The following FBXO42 variants were observed in gnomAD, a reference collection of about 807,000 sequenced individuals.
FBXO42 encodes the protein F-box protein 42.
A neutral mutation model predicts 71.7 loss-of-function variants in FBXO42; 12 were observed. The observed-to-expected ratio is 0.17, with a 90% CI of 0.11 to 0.27. The LOEUF is 0.27. Ranked by LOEUF, FBXO42 falls within the 10% of genes least tolerant of loss-of-function variation. The pLI, the probability that FBXO42 is intolerant of heterozygous loss-of-function variation, is 1.00. For missense variants in FBXO42, 707 were observed against 911.9 expected, an observed-to-expected ratio of 0.78 and a Z score of 2.89; for synonymous variants, 325 against 327.5, an observed-to-expected ratio of 0.99 and a Z score of 0.08.
At chr1:16,280,405 G>C (rs1479432427) in intron 4 of FBXO42, among the ~76,000 whole-genome samples, 2 of 152,124 alleles carry the variant, frequency 1.3e-5, no homozygotes, top group African/African-American at 4.8e-5. Context: ...TCTTAGAACA[G>C]AAAAAGGATG....
chr1:16,248,204 C>G lies in FBXO42; in HGVS notation c.*2466G>C, dbSNP rs1202569929. 6.6e-6 allele frequency: 1 copy of G among 152,180 alleles called. No homozygotes were observed. The highest frequency in any genetic ancestry group is 1.5e-5 in the Non-Finnish European group (1 of 68,044). The allele number at this position is 152,180 out of a possible 1,614,324, so 9.4% of individuals were successfully genotyped here. On this transcript the variant is annotated 3_prime_UTR_variant, in exon 10 of 10. Transcript: ENST00000375592. The stretch of plus-strand genomic sequence containing the variant: ...TGAAGTCCCACCGCACAGGTGGCTT[C>G]AGGAGGCCTGAGGAGACAATCACCT...
chr1:16,305,613 T>G (rs2082241861), intron 3 of FBXO42, among the ~76,000 whole-genome samples, 190 bp downstream of exon 3: 1 of 152,012 alleles, frequency 6.6e-6, no homozygotes, highest in Admixed American at 6.6e-5. Flanking sequence ...CTCAGGAGGC[T>G]GAGGTGGGAG....
intron 1 of FBXO42, among the ~76,000 whole-genome samples, chr1:16,322,243 A>T (rs1019876781): frequency 5.3e-5 from 8 of 151,960 alleles, no homozygotes; most frequent in Non-Finnish European, 1.2e-4. Context: ...CCAGAGAGGA[A>T]ACTATTTATT....
Position 16,252,430 on chromosome 1 carries a change from G to T in FBXO42, c.922-26C>A. 1 of 1,573,530 alleles carries T rather than the reference G, an allele frequency of 6.4e-7. No homozygotes were observed. Among genetic ancestry groups the T allele is most frequent in the South Asian group, 1.1e-5 (1 of 90,242 alleles). The stretch of plus-strand genomic sequence containing the variant: ...CTGTAAGAGAAAAAACCAATAACAA[G>T]ACTCAGGTGTGATATGCGTTCCAAA... On this transcript the variant is annotated intron_variant, in intron 8 of 9. Transcript: ENST00000375592. The surrounding 1 kb of genome is among the most constrained non-coding windows in gnomAD (Gnocchi z 4.4).
rs534389391 is a variant in FBXO42, at chr1:16,250,215, T to C, written c.*455A>G. Reference sequence around the variant, plus strand: ...TTTTACCCCGACAGCACCTGAAGCATGAGAGTCTAAAACCCTCCACCTTTG... The same window carrying C: ...TTTTACCCCGACAGCACCTGAAGCACGAGAGTCTAAAACCCTCCACCTTTG... On this transcript the variant is annotated 3_prime_UTR_variant, in exon 10 of 10. Coordinates refer to ENST00000375592, the MANE Select transcript of FBXO42 (RefSeq NM_018994.3). This position sits in a 1 kb window ranked among gnomAD's most constrained non-coding sequence, Gnocchi z 4.7. 8 of 152,480 alleles carry C rather than the reference T, an allele frequency of 5.2e-5. No homozygotes were observed. The highest frequency in any genetic ancestry group is 1.9e-4 in the African/African-American group (8 of 41,584). 9.4% of individuals were successfully genotyped at this position (152,480 alleles called of 1,614,324 possible). A position where few individuals can be genotyped will look rare whatever the true frequency, so the allele number is the denominator to read the frequency against.
chr1:16,278,315 C>T (rs1170006379), intron 4 of FBXO42, among the ~76,000 whole-genome samples: 1 of 151,724 alleles, frequency 6.6e-6, no homozygotes, highest in Non-Finnish European at 1.5e-5. Flanking sequence ...GGAGATCACG[C>T]CATTGCACTC....
chr1:16,301,702 C>T (rs1464233055), intron 3 of FBXO42, among the ~76,000 whole-genome samples: 1 of 142,548 alleles, frequency 7.0e-6, no homozygotes, highest in Non-Finnish European at 1.6e-5. Flanking sequence ...AAAAAAGAAA[C>T]GGTACAAGAA....
chr1:16,326,040 GTGTGTGTGTC>G (rs1553154828), intron 1 of FBXO42, among the ~76,000 whole-genome samples: 220 of 150,382 alleles, frequency 1.5e-3, no homozygotes, highest in African/African-American at 5.0e-3. Context: ...GTGTGTGTGT[GTGTGTGTGTC>G]TGTGTGTGTC....
intron 1 of FBXO42, among the ~76,000 whole-genome samples, chr1:16,346,398 AAAT>A (rs1439225053): frequency 6.6e-6 from 1 of 152,130 alleles, no homozygotes. Flanking sequence ...TATTACTAGA[AAAT>A]AAGAGAGCGA....
In FBXO42 at chr1:16,351,061, C is replaced by A. The variant is rs140541702; in HGVS notation, c.-18+1194G>T. 3.6e-4 allele frequency among the ~76,000 whole-genome samples: 55 copies of A among 152,286 alleles called. No homozygotes were observed. In the Middle Eastern group the frequency reaches 0.017, roughly 47 times the overall value. ...CAGACTTAATTCTAAATATTCAATT[C>A]TAAATGATGGTACTTCCCCCAAATT... On this transcript the variant is annotated intron_variant, in intron 1 of 9. Transcript: ENST00000375592.
intron 1 of FBXO42, among the ~76,000 whole-genome samples, chr1:16,350,916 A>C (rs2082698253): frequency 6.6e-6 from 1 of 152,174 alleles, no homozygotes; most frequent in Non-Finnish European, 1.5e-5. Flanking sequence ...TGTCAAAAGC[A>C]AACAGTTACT....
chr1:16,291,828 T>C (rs1443486211), intron 4 of FBXO42, among the ~76,000 whole-genome samples: 1 of 152,112 alleles, frequency 6.6e-6, no homozygotes, highest in Non-Finnish European at 1.5e-5. Flanking sequence ...CATGCCATCA[T>C]GCCCGGCTCA....
At chr1:16,296,245 C>A (rs1375674037) in intron 3 of FBXO42, among the ~76,000 whole-genome samples, 1 of 151,976 alleles carries the variant, frequency 6.6e-6, no homozygotes, top group Non-Finnish European at 1.5e-5. Context: ...TTCATGCACG[C>A]AGGAGGTAAA....
intron 1 of FBXO42, among the ~76,000 whole-genome samples, chr1:16,326,298 C>T (rs546676827): frequency 2.0e-5 from 3 of 151,242 alleles, no homozygotes; most frequent in East Asian, 4.0e-4. Context: ...TCAGGTGATC[C>T]ATCTGCCTGG....
intron 4 of FBXO42, among the ~76,000 whole-genome samples, chr1:16,265,778 A>G (rs2081764839): frequency 7.5e-6 from 1 of 133,864 alleles, no homozygotes; most frequent in Non-Finnish European, 1.7e-5. Flanking sequence ...ATAAGTCCCT[A>G]TTAAAAAAAA....
At chr1:16,255,929 G>A in intron 5 of FBXO42, 108 bp from the exon 6 acceptor site, 1 of 741,836 alleles carries the variant, frequency 1.3e-6, no homozygotes. Context: ...TTTCAGCAGA[G>A]ATTTGTTGGG....
intron 4 of FBXO42, among the ~76,000 whole-genome samples, chr1:16,274,582 GC>G (rs1207708969): frequency 1.6e-5 from 1 of 62,072 alleles, no homozygotes; most frequent in African/African-American, 6.8e-5. Context: ...TACAAATTAT[GC>G]CCCCGTTTTT....
chr1:16,322,795 G>A (rs2082418956), intron 1 of FBXO42, among the ~76,000 whole-genome samples: 2 of 152,052 alleles, frequency 1.3e-5, no homozygotes, highest in Non-Finnish European at 2.9e-5. Flanking sequence ...AGTAATGAAA[G>A]TTCCCCACTT....
intron 1 of FBXO42, among the ~76,000 whole-genome samples, chr1:16,329,250 GA>G (rs1453371565): frequency 1.3e-5 from 2 of 151,314 alleles, no homozygotes; most frequent in Non-Finnish European, 2.9e-5. Context: ...GGTCAAAACT[GA>G]AACAACTGGG....
Sources: allele counts gnomAD v4.1 joint callset (sites outside exome capture counted in the v4.1 genomes callset), GRCh38; gene constraint gnomAD v4.1.1; non-coding constraint Gnocchi (gnomAD v3.1); transcripts MANE v1.5; gene names NCBI Gene and HGNC (gene_info 2026-07-23, HGNC 2026-07-21).